AGPAT3: variants seen among roughly 807,000 people sequenced by gnomAD.
AGPAT3 encodes the protein 1-acyl-sn-glycerol-3-phosphate acyltransferase gamma.
In AGPAT3, 5 loss-of-function variants were observed where a neutral mutation model predicts 47.3. The ratio of observed to expected loss-of-function variants is 0.11; its 90% CI spans 0.06 to 0.22. AGPAT3 has a LOEUF of 0.22. Among genes scored for constraint, AGPAT3 ranks in the 10% least tolerant of loss-of-function variants. The pLI, the probability that AGPAT3 is intolerant of heterozygous loss-of-function variation, is 1.00. For missense variants in AGPAT3, 315 were observed against 493.0 expected, an observed-to-expected ratio of 0.64 and a Z score of 3.42; for synonymous variants, 212 against 208.3, an observed-to-expected ratio of 1.02 and a Z score of -0.15.
chr21:43,965,229 C>T (rs1311877394), intron 3 of AGPAT3: 1 of 152,280 alleles, frequency 6.6e-6, no homozygotes, highest in East Asian at 1.9e-4. Flanking sequence ...GCACCAGCCA[C>T]AGTGTTTTCT....
At chr21:43,901,619 C>T (rs760799871) in intron 1 of AGPAT3, among the ~76,000 whole-genome samples, 3 of 151,814 alleles carry the variant, frequency 2.0e-5, no homozygotes, top group Admixed American at 6.6e-5. Context: ...CAGAAAAGTA[C>T]AAAAATTAGC....
At chr21:43,974,236 ATT>A (rs2089513079) in intron 7 of AGPAT3, among the ~76,000 whole-genome samples, 1 of 152,016 alleles carries the variant, frequency 6.6e-6, no homozygotes, top group South Asian at 2.1e-4. Context: ...GTGTGTATAA[ATT>A]ATATGTGTGT....
chr21:43,903,351 G>C (rs933262781), intron 1 of AGPAT3, among the ~76,000 whole-genome samples: 1 of 152,188 alleles, frequency 6.6e-6, no homozygotes, highest in Non-Finnish European at 1.5e-5. Context: ...ACAGCAGTGG[G>C]AATGGACATA....
At chr21:43,897,531 G>T (rs1425479403) in intron 1 of AGPAT3, among the ~76,000 whole-genome samples, 1 of 151,478 alleles carries the variant, frequency 6.6e-6, no homozygotes, top group Non-Finnish European at 1.5e-5. Context: ...GGGCAGAGGC[G>T]CTCCTCACAT....
At chr21:43,910,151 A>T (rs1408307931) in intron 2 of AGPAT3, among the ~76,000 whole-genome samples, 2 of 152,266 alleles carry the variant, frequency 1.3e-5, no homozygotes, top group Non-Finnish European at 1.5e-5. Context: ...TCAGGAACAC[A>T]GAGGACAGAG....
chr21:43,914,953 C>T (rs1461398234), intron 2 of AGPAT3, among the ~76,000 whole-genome samples: 2 of 152,094 alleles, frequency 1.3e-5, no homozygotes, highest in African/African-American at 4.8e-5. Context: ...ATTAATTTTT[C>T]TCCTAGTAAA....
intron 1 of AGPAT3, among the ~76,000 whole-genome samples, chr21:43,895,314 G>C (rs959743830): frequency 6.6e-6 from 1 of 151,636 alleles, no homozygotes; most frequent in Non-Finnish European, 1.5e-5. Flanking sequence ...TCACCATGTT[G>C]CCCAGGCTGG....
intron 2 of AGPAT3, among the ~76,000 whole-genome samples, chr21:43,921,321 C>A (rs2086886458): frequency 6.6e-6 from 1 of 152,148 alleles, no homozygotes; most frequent in Non-Finnish European, 1.5e-5. Flanking sequence ...CTTCATAACA[C>A]CCTTTATAAT....
At chr21:43,951,158 G>A (rs3827248) in intron 2 of AGPAT3, among the ~76,000 whole-genome samples, 38,241 of 145,726 alleles carry the variant, frequency 0.26, 4,791 homozygotes, top group Admixed American at 0.29. Context: ...CCACCACCTC[G>A]CAGGGGCCAG....
At chr21:43,884,108 C>T (rs1601210876) in intron 1 of AGPAT3, among the ~76,000 whole-genome samples, 1 of 152,296 alleles carries the variant, frequency 6.6e-6, no homozygotes, top group South Asian at 2.1e-4. Context: ...TTACCTCTGT[C>T]ACCAGAGATG....
At position 43,968,129 on chromosome 21, in the gene AGPAT3, T is replaced by C. The variant is rs1162984276; in HGVS notation, c.348+14T>C. On this transcript the variant is annotated intron_variant, in intron 4 of 9. Transcript: ENST00000291572. ...GGAGTGCTGGGGGTGAGCGGGGACC[T>C]GGGGAGGGCCACGGGTGAGCAGGAG... The C allele has an allele frequency of 2.1e-6, 3 of 1,399,404 alleles. No individual in the cohort carries two copies. The East Asian group carries it at 1.1e-4, about 53-fold the overall frequency. The allele number at this position is 1,399,404 out of a possible 1,614,324, so 86.7% of individuals were successfully genotyped here.
chr21:43,951,530 C>G (rs2088191550), intron 2 of AGPAT3, among the ~76,000 whole-genome samples: 1 of 152,190 alleles, frequency 6.6e-6, no homozygotes, highest in Non-Finnish European at 1.5e-5. Flanking sequence ...ACATCTTCTT[C>G]CTGGACCCCA....
At position 43,954,952 on chromosome 21, in the gene AGPAT3, C is replaced by A; in HGVS notation, c.-48-4682C>A. ...GTTCAGGTGATGGACCAGAGACTGG[C>A]CGCTTTGTGACACCGAGGACGGTTG... On this transcript the variant is annotated intron_variant, in intron 2 of 9. Coordinates refer to ENST00000291572, the MANE Select transcript of AGPAT3 (RefSeq NM_020132.5). The surrounding 1 kb of genome is among the most constrained non-coding windows in gnomAD (Gnocchi z 4.0). 1.9e-6 allele frequency: 2 copies of A among 1,034,042 alleles called. No individual in the cohort carries two copies. Among genetic ancestry groups the A allele is most frequent in the Non-Finnish European group, 1.2e-6 (1 of 824,744 alleles). The allele number at this position is 1,034,042 out of a possible 1,614,324, so 64.1% of individuals were successfully genotyped here.
At chr21:43,974,220 ATCTATG>A (rs915569061) in intron 7 of AGPAT3, among the ~76,000 whole-genome samples, 3 of 84,278 alleles carry the variant, frequency 3.6e-5, no homozygotes, top group African/African-American at 8.0e-5. Context: ...CATATAAATT[ATCTATG>A]TGTGTATAAA....
In AGPAT3 at chr21:43,982,397, T is replaced by A. The variant is rs781757705; in HGVS notation, c.*5T>A. The A allele has an allele frequency of 8.7e-6, 14 of 1,606,680 alleles. No homozygotes were observed. Among genetic ancestry groups the A allele is most frequent in the African/African-American group, 1.3e-5 (1 of 74,766 alleles). On this transcript the variant is annotated 3_prime_UTR_variant, in exon 10 of 10. Coordinates refer to ENST00000291572, the MANE Select transcript of AGPAT3 (RefSeq NM_020132.5). This position sits in a 1 kb window ranked among gnomAD's most constrained non-coding sequence, Gnocchi z 6.2. ...GAGTTTAAGAAAAAGGAATAATTAA[T>A]GGCTGTGACTGAACACACGCGGCCC...
At chr21:43,875,757 A>G (rs1271088919) in intron 1 of AGPAT3, among the ~76,000 whole-genome samples, 1 of 152,032 alleles carries the variant, frequency 6.6e-6, no homozygotes, top group African/African-American at 2.4e-5. Context: ...ACAGGTGCCC[A>G]CCACCATGCC....
intron 2 of AGPAT3, among the ~76,000 whole-genome samples, chr21:43,943,738 G>A (rs900045791): frequency 1.4e-4 from 21 of 152,314 alleles, no homozygotes; most frequent in Non-Finnish European, 2.4e-4. Flanking sequence ...GGTTGGAGTC[G>A]GGGTGGGGCG....
chr21:43,985,649 G>T lies in AGPAT3; in HGVS notation c.*3257G>T. ...GACTACCGGTTGGGGTCAGATTTGG[G>T]GTGAAGAATGAGTAAGTTTCTGCAT... On this transcript the variant is annotated 3_prime_UTR_variant, in exon 10 of 10. Transcript: ENST00000291572. 1 of 210,442 alleles carries T rather than the reference G, an allele frequency of 4.8e-6. No homozygotes were observed. The highest frequency in any genetic ancestry group is 9.7e-6 in the Non-Finnish European group (1 of 103,378). The allele number at this position is 210,442 out of a possible 1,614,324, so 13.0% of individuals were successfully genotyped here.
rs560127613 is a variant in AGPAT3 at position 43,934,658 on chromosome 21, G to T, written c.-48-24976G>T. Reference sequence around the variant, plus strand: ...GGAGGGGCGGGCTCAAGCCCTGGTCGTGAGCAGGATGACATTCAGATAGCT... The same window carrying T: ...GGAGGGGCGGGCTCAAGCCCTGGTCTTGAGCAGGATGACATTCAGATAGCT... On this transcript the variant is annotated intron_variant, in intron 2 of 9. Coordinates refer to ENST00000291572, the MANE Select transcript of AGPAT3 (RefSeq NM_020132.5). The surrounding 1 kb of genome is among the most constrained non-coding windows in gnomAD (Gnocchi z 4.7). Among the ~76,000 whole-genome samples, 1 of 152,180 alleles carries T rather than the reference G, an allele frequency of 6.6e-6. No homozygotes were observed. The highest frequency in any genetic ancestry group is 1.5e-5 in the Non-Finnish European group (1 of 68,018).
Sources: gnomAD v4.1 joint callset for allele counts (sites outside exome capture counted in the v4.1 genomes callset) on GRCh38, gnomAD v4.1.1 for gene constraint, Gnocchi (gnomAD v3.1) non-coding constraint, MANE v1.5 for transcripts, NCBI Gene and HGNC (gene_info 2026-07-23, HGNC 2026-07-21) for gene names.